GPATCH11: variants seen among roughly 807,000 people sequenced by gnomAD.
The protein encoded by GPATCH11 is G patch domain-containing protein 11.
A neutral mutation model predicts 44.8 loss-of-function variants in GPATCH11; 32 were observed. The ratio of observed to expected loss-of-function variants is 0.71; its 90% confidence interval spans 0.54 to 0.96. GPATCH11 has a LOEUF of 0.96. Among genes scored for constraint, GPATCH11 ranks in the 40% least tolerant of loss-of-function variants. The pLI is 0.00. For synonymous variants in GPATCH11, 84 were observed against 94.4 expected (o/e 0.89, Z 0.64); for missense variants, 324 against 303.1 (o/e 1.07, Z -0.51).
At chr2:37,094,453 A>C in intron 7 of GPATCH11, 1 of 258,522 alleles carries the variant, frequency 3.9e-6, no homozygotes, top group Non-Finnish European at 7.4e-6. Context: ...TACTTTACTA[A>C]CCCCAAATCA....
At chr2:37,095,320 C>G (rs1673522144) in intron 7 of GPATCH11, 117 bp from the exon 8 acceptor site, 2 of 1,240,346 alleles carry the variant, frequency 1.6e-6, no homozygotes, top group Non-Finnish European at 2.2e-6. Flanking sequence ...TTTCTAATAA[C>G]TATTCCAGAG....
At chr2:37,084,710 A>G (rs1409176963) in intron 1 of GPATCH11, 140 bp downstream of exon 1, 3 of 578,802 alleles carry the variant, frequency 5.2e-6, no homozygotes, top group East Asian at 3.5e-5. Context: ...GCTTGCAGCC[A>G]GGAGGAACGC....
At chr2:37,087,487 A>G (rs1188613193) in intron 1 of GPATCH11, among the ~76,000 whole-genome samples, 3 of 152,256 alleles carry the variant, frequency 2.0e-5, no homozygotes, top group Non-Finnish European at 4.4e-5. Context: ...TGCAATTTGT[A>G]TACACAATAA....
intron 1 of GPATCH11, among the ~76,000 whole-genome samples, chr2:37,087,229 G>A (rs1673093214): frequency 6.6e-6 from 1 of 152,176 alleles, no homozygotes. Flanking sequence ...CCATCTTTGT[G>A]CCCAAGGAAA....
At position 37,098,420 on chromosome 2, in the gene GPATCH11, A is replaced by T. The variant is rs1387446634; in HGVS notation, c.*2157A>T. 2 of 151,178 alleles carry T rather than the reference A, an allele frequency of 1.3e-5. No homozygotes were observed. Among genetic ancestry groups the T allele is most frequent in the African/African-American group, 2.4e-5 (1 of 41,114 alleles). The allele number at this position is 151,178 out of a possible 1,614,324, so 9.4% of individuals were successfully genotyped here. On this transcript the variant is annotated 3_prime_UTR_variant, in exon 9 of 9. Coordinates refer to ENST00000674370, the MANE Select transcript of GPATCH11 (RefSeq NM_174931.4). ...TTAATAAAACAGAGGAGTACATTTTACCCTTGCAATTCCAGTCAATACTGT... is the reference window on the plus strand; with the variant it reads ...TTAATAAAACAGAGGAGTACATTTTTCCCTTGCAATTCCAGTCAATACTGT...
intron 1 of GPATCH11, among the ~76,000 whole-genome samples, chr2:37,085,242 T>G (rs1222440809): frequency 6.6e-6 from 1 of 152,234 alleles, no homozygotes; most frequent in African/African-American, 2.4e-5. Context: ...AATGTAATCC[T>G]ATTTGCAAGG....
intron 1 of GPATCH11, among the ~76,000 whole-genome samples, chr2:37,087,677 G>A (rs1159340904): frequency 1.4e-5 from 2 of 146,124 alleles, no homozygotes; most frequent in Non-Finnish European, 2.9e-5. Context: ...AAGGCCTGGA[G>A]TGGTCAGGAG....
At chr2:37,092,801 G>T (rs1244117244) in intron 6 of GPATCH11, among the ~76,000 whole-genome samples, 3 of 152,064 alleles carry the variant, frequency 2.0e-5, no homozygotes, top group East Asian at 1.9e-4. Context: ...TGATTAACAA[G>T]AATAGCCTAT....
At chr2:37,089,563 G>C (rs1450873208) in intron 2 of GPATCH11, 77 bp from the exon 3 acceptor site, 1 of 1,118,284 alleles carries the variant, frequency 8.9e-7, no homozygotes, top group African/African-American at 1.6e-5. Context: ...GCGAAACTCC[G>C]TCTCAAAAAA....
In GPATCH11 at chr2:37,096,964, A is replaced by G. The variant is rs1157801347; in HGVS notation, c.*701A>G. 6.6e-6 allele frequency: 1 copy of G among 152,188 alleles called. No homozygotes were observed. The highest frequency in any genetic ancestry group is 1.5e-5 in the Non-Finnish European group (1 of 68,042). The allele number at this position is 152,188 out of a possible 1,614,324, so 9.4% of individuals were successfully genotyped here. ...GAGGGGAAAAGTATTCCCCTCAATA[A>G]GGCTGATGTCAGAGGCAATGTTCGA... On this transcript the variant is annotated 3_prime_UTR_variant, in exon 9 of 9. Transcript: ENST00000674370.
chr2:37,095,481 A>G lies in GPATCH11; in HGVS notation c.699A>G (p.Glu233=). 6.2e-7 allele frequency: 1 copy of G among 1,605,980 alleles called. No homozygotes were observed. The change falls in exon 8 of 9, where the codon GAA becomes GAG. Residue 233 remains glutamate, a synonymous_variant. Transcript: ENST00000674370. The part of the protein sequence containing the change: ...LQILTSYLRE[E]HLYCIWCGTA... The stretch of plus-strand genomic sequence containing the variant: ...TATTGACTAGTTATTTAAGAGAAGA[A>G]CATCTATATTGTATTTGGTGTGGAA...
At position 37,091,898 on chromosome 2, in the gene GPATCH11, A is replaced by C; in HGVS notation, c.329-18A>C. 1 of 1,604,100 alleles carries C rather than the reference A, an allele frequency of 6.2e-7. No individual in the cohort carries two copies. ...ACAAAGTCAGGATGTTTCTCATCAGAATTTTCTGTTTGAATAGGGAAAAGT... is the reference window on the plus strand; with the variant it reads ...ACAAAGTCAGGATGTTTCTCATCAGCATTTTCTGTTTGAATAGGGAAAAGT... On this transcript the variant is annotated intron_variant, in intron 4 of 8. Transcript: ENST00000674370.
At chr2:37,086,428 AG>A (rs1673052387) in intron 1 of GPATCH11, among the ~76,000 whole-genome samples, 1 of 152,198 alleles carries the variant, frequency 6.6e-6, no homozygotes, top group Admixed American at 6.5e-5. Context: ...GTAGGTAGGG[AG>A]GATATAGGGG....
At chr2:37,095,802 TTCTTTCTTTGGC>T (rs1673548886) in intron 8 of GPATCH11, among the ~76,000 whole-genome samples, 2 of 152,246 alleles carry the variant, frequency 1.3e-5, no homozygotes, top group African/African-American at 4.8e-5. Context: ...TTTTTAAAGA[TTCTTTCTTTGGC>T]TACAGATATT....
chr2:37,088,333 A>C (rs1261437130), intron 1 of GPATCH11, 36 bp from the exon 2 acceptor site: 12 of 1,078,326 alleles, frequency 1.1e-5, no homozygotes, highest in Non-Finnish European at 1.6e-5. Flanking sequence ...CATTCTGATA[A>C]ACTAAAAAAA....
chr2:37,090,376 G>A (rs565394111), intron 3 of GPATCH11, among the ~76,000 whole-genome samples: 7 of 152,162 alleles, frequency 4.6e-5, no homozygotes, highest in South Asian at 2.1e-4. Context: ...TTCCTTTATC[G>A]TAATTGCTTT....
intron 6 of GPATCH11, among the ~76,000 whole-genome samples, chr2:37,093,209 C>T (rs957718112): frequency 1.3e-5 from 2 of 152,140 alleles, no homozygotes; most frequent in South Asian, 2.1e-4. Context: ...AAAATTCTGT[C>T]TCTGGCTGGG....
At chr2:37,089,535 A>C (rs1673205471) in intron 2 of GPATCH11, 105 bp from the exon 3 acceptor site, 1 of 822,894 alleles carries the variant, frequency 1.2e-6, no homozygotes, top group Non-Finnish European at 1.9e-6. Flanking sequence ...CCATTGCATT[A>C]CAGCCCGGGC....
chr2:37,095,982 A>G (rs1283676643), intron 8 of GPATCH11, among the ~76,000 whole-genome samples: 2 of 152,172 alleles, frequency 1.3e-5, no homozygotes, highest in Admixed American at 1.3e-4. Context: ...TACAGAGCCA[A>G]GTGTTTCTCC....
Sources: allele counts gnomAD v4.1 joint callset (sites outside exome capture counted in the v4.1 genomes callset), GRCh38; gene constraint gnomAD v4.1.1; transcripts MANE v1.5; gene names NCBI Gene and HGNC (gene_info 2026-07-23, HGNC 2026-07-21).